LMLN: variants seen among roughly 807,000 people sequenced by gnomAD.
The protein encoded by LMLN is leishmanolysin-like peptidase.
Under a neutral mutation model 92.3 loss-of-function variants are expected in LMLN, and 70 were observed. That is an observed-to-expected ratio of 0.76 (90% CI 0.63 to 0.92). The LOEUF is 0.92. LMLN is among the 40% of genes least tolerant of loss of function. The pLI is 0.00. For synonymous variants in LMLN, 308 were observed against 296.2 expected (o/e 1.04, Z -0.41); for missense variants, 691 against 814.6 (o/e 0.85, Z 1.85).
intron 6 of LMLN, 90 bp from the exon 7 acceptor site, chr3:197,983,853 T>G: frequency 1.3e-6 from 1 of 792,386 alleles, no homozygotes; most frequent in Non-Finnish European, 2.1e-6. Flanking sequence ...CAAAGATTTT[T>G]CTGTCCTTGA....
exon 16 of LMLN, chr3:198,041,585 G>A (rs1007211275): frequency 1.3e-5 from 2 of 152,164 alleles, no homozygotes; most frequent in African/African-American, 2.4e-5. Context: ...CTGGTCCCAA[G>A]CATTTCAGTA....
intron 11 of LMLN, among the ~76,000 whole-genome samples, chr3:198,011,514 AG>A (rs1722439249): frequency 6.6e-6 from 1 of 151,406 alleles, no homozygotes; most frequent in Non-Finnish European, 1.5e-5. Flanking sequence ...TTCTTAATCC[AG>A]TCTATCATTG....
intron 8 of LMLN, among the ~76,000 whole-genome samples, chr3:197,986,524 A>T (rs1721711383): frequency 6.6e-6 from 1 of 152,234 alleles, no homozygotes; most frequent in Non-Finnish European, 1.5e-5. Flanking sequence ...TGTTACAGAT[A>T]TAAAGAATTG....
exon 13 of LMLN, chr3:198,021,563 T>C (rs908106304): frequency 6.2e-7 from 1 of 1,614,186 alleles, no homozygotes; most frequent in Non-Finnish European, 8.5e-7. Context: ...AAGTGGTGAA[T>C]ATCAGCGCAG....
At chr3:197,976,004 C>T (rs1721367098) in intron 3 of LMLN, 25 bp from the exon 4 acceptor site, 14 of 1,084,300 alleles carry the variant, frequency 1.3e-5, no homozygotes, top group East Asian at 3.0e-5. Flanking sequence ...AATTCTGTTT[C>T]TTTTTTTTTT....
At chr3:197,968,293 C>T (rs576963854) in intron 1 of LMLN, among the ~76,000 whole-genome samples, 48 of 151,560 alleles carry the variant, frequency 3.2e-4, no homozygotes, top group African/African-American at 8.5e-4. Flanking sequence ...GGTGAAACCC[C>T]GTCTGTACTA....
chr3:197,994,556 A>G (rs1721964800), intron 9 of LMLN: 1 of 152,296 alleles, frequency 6.6e-6, no homozygotes, highest in South Asian at 2.1e-4. Flanking sequence ...GCACAATGAG[A>G]TGTCATTTTA....
intron 1 of LMLN, among the ~76,000 whole-genome samples, chr3:197,962,159 G>A (rs1240736911): frequency 2.0e-5 from 3 of 151,640 alleles, no homozygotes; most frequent in Non-Finnish European, 4.4e-5. Flanking sequence ...CAGGCAACTA[G>A]TTTTCTAATT....
intron 8 of LMLN, among the ~76,000 whole-genome samples, chr3:197,987,292 T>C (rs1721739464): frequency 6.6e-6 from 1 of 151,842 alleles, no homozygotes; most frequent in African/African-American, 2.4e-5. Flanking sequence ...CCCAAGTAGC[T>C]GGGACTACAG....
chr3:198,011,301 G>A (rs982472711), intron 11 of LMLN, among the ~76,000 whole-genome samples: 3 of 150,242 alleles, frequency 2.0e-5, no homozygotes, highest in Non-Finnish European at 2.9e-5. Flanking sequence ...AGGTCCTGGT[G>A]TGTGATGTTC....
rs574192124 is a variant in LMLN at position 197,977,834 on chromosome 3, A to G, written c.549+1119A>G. On this transcript the variant is annotated intron_variant, in intron 5 of 15. Transcript: ENST00000330198. ...AAATCATCAAACAGTCTGGAAGTAC[A>G]CACACGTTAAATCTGGATACATATA... 2.4e-4 allele frequency among the ~76,000 whole-genome samples: 37 copies of G among 152,156 alleles called. 1 individual carries two copies. The East Asian group carries it at 5.6e-3, about 23-fold the overall frequency.
chr3:198,029,616 T>A (rs1322237310), intron 14 of LMLN, among the ~76,000 whole-genome samples: 3 of 151,998 alleles, frequency 2.0e-5, no homozygotes, highest in Non-Finnish European at 1.5e-5. Context: ...GAGGTTGCAG[T>A]GAGCCAAGAT....
At chr3:198,001,923 G>C (rs1363483551) in intron 11 of LMLN, among the ~76,000 whole-genome samples, 2 of 152,030 alleles carry the variant, frequency 1.3e-5, no homozygotes, top group Non-Finnish European at 2.9e-5. Context: ...TAAGTACTGA[G>C]ATTTCAGGCG....
intron 11 of LMLN, among the ~76,000 whole-genome samples, chr3:198,018,057 T>C (rs1321261567): frequency 6.6e-6 from 1 of 152,240 alleles, no homozygotes; most frequent in Non-Finnish European, 1.5e-5. Flanking sequence ...TTGTAAGCCA[T>C]GAATCTTAGA....
At chr3:197,993,897 G>GT (rs1721948213) in intron 9 of LMLN, among the ~76,000 whole-genome samples, 1 of 151,986 alleles carries the variant, frequency 6.6e-6, no homozygotes, top group African/African-American at 2.4e-5. Flanking sequence ...TCATGGTCCT[G>GT]GCATAAAAAT....
chr3:198,034,260 G>C (rs1723151660), intron 14 of LMLN, among the ~76,000 whole-genome samples: 1 of 152,182 alleles, frequency 6.6e-6, no homozygotes, highest in South Asian at 2.1e-4. Context: ...AAGGGAAGTA[G>C]CATAATTGAA....
chr3:198,017,099 G>A (rs1722660301), intron 11 of LMLN, among the ~76,000 whole-genome samples: 1 of 151,884 alleles, frequency 6.6e-6, no homozygotes, highest in South Asian at 2.1e-4. Flanking sequence ...TCCAGCCTGG[G>A]CAACGAAACC....
At chr3:197,968,244 A>G (rs1560132543) in intron 1 of LMLN, among the ~76,000 whole-genome samples, 1 of 152,190 alleles carries the variant, frequency 6.6e-6, no homozygotes, top group East Asian at 1.9e-4. Context: ...AGGCGGGCGG[A>G]TCACGAGGTC....
chr3:198,014,182 T>C (rs1377371902), intron 11 of LMLN, among the ~76,000 whole-genome samples: 3 of 148,980 alleles, frequency 2.0e-5, no homozygotes, highest in Non-Finnish European at 4.4e-5. Context: ...CAGAGCCTCC[T>C]AACTAGTCTG....
Sources: gnomAD v4.1 joint callset for allele counts (sites outside exome capture counted in the v4.1 genomes callset) on GRCh38, gnomAD v4.1.1 for gene constraint, MANE v1.5 for transcripts, NCBI Gene and HGNC (gene_info 2026-07-23, HGNC 2026-07-21) for gene names.